The following TRDN variants were observed in gnomAD, a reference collection of about 807,000 sequenced individuals.
The protein encoded by TRDN is triadin in skeletal muscle.
Under a neutral mutation model 149.7 loss-of-function variants are expected in TRDN, and 161 were observed. The observed-to-expected ratio is 1.08, with a 90% CI of 0.95 to 1.23. The LOEUF (loss-of-function observed/expected upper bound fraction) is 1.23, where lower values mean the gene tolerates loss of function less well. Among genes scored for constraint, TRDN ranks in the 50% most tolerant of loss-of-function variants. The pLI, the probability that TRDN is intolerant of heterozygous loss-of-function variation, is 0.00. For missense variants in TRDN, 896 were observed against 823.5 expected (o/e 1.09, Z -1.08); for synonymous variants, 294 against 250.5 (o/e 1.17, Z -1.64).
chr6:123,323,893 A>G (rs1416235800), intron 23 of TRDN, among the ~76,000 whole-genome samples: 1 of 152,160 alleles, frequency 6.6e-6, no homozygotes, highest in East Asian at 1.9e-4. Context: ...GAAGCTTCCC[A>G]GTGTGAAGAG....
intron 9 of TRDN, among the ~76,000 whole-genome samples, chr6:123,465,705 C>G (rs933676853): frequency 8.6e-5 from 13 of 151,858 alleles, no homozygotes; most frequent in African/African-American, 1.2e-4. Flanking sequence ...GCCATGAACT[C>G]TCAACATTAG....
At chr6:123,601,518 A>T (rs1228459639) in intron 1 of TRDN, among the ~76,000 whole-genome samples, 6 of 152,160 alleles carry the variant, frequency 3.9e-5, no homozygotes. Context: ...ATCAATGGTG[A>T]TCTTTGCCAT....
chr6:123,223,818 T>C (rs1299202701), intron 39 of TRDN, among the ~76,000 whole-genome samples: 2 of 151,604 alleles, frequency 1.3e-5, no homozygotes, highest in Non-Finnish European at 3.0e-5. Context: ...GGAATAGTGA[T>C]TTTGAAGTAT....
intron 40 of TRDN, 69 bp from the exon 41 acceptor site, chr6:123,218,809 G>A: frequency 1.4e-6 from 2 of 1,467,804 alleles, no homozygotes; most frequent in Admixed American, 2.2e-5. Flanking sequence ...GTGAGGCAGT[G>A]CAGTGCAGCA....
intron 1 of TRDN, among the ~76,000 whole-genome samples, chr6:123,632,576 A>T (rs1786064200): frequency 1.3e-5 from 2 of 152,070 alleles, no homozygotes; most frequent in African/African-American, 4.8e-5. Context: ...TTCTAATGTC[A>T]GTTTTAAAAT....
At chr6:123,632,891 T>G (rs2114746834) in intron 1 of TRDN, among the ~76,000 whole-genome samples, 1 of 152,048 alleles carries the variant, frequency 6.6e-6, no homozygotes, top group African/African-American at 2.4e-5. Context: ...GTGAGTAATC[T>G]TGTGCTGCAG....
At position 123,218,852 on chromosome 6, in the gene TRDN, T is replaced by C. The variant is rs1775037777; in HGVS notation, c.2051-112A>G. The C allele has an allele frequency of 6.0e-6, 7 of 1,163,828 alleles. No individual in the cohort carries two copies. In the Admixed American group the frequency reaches 8.3e-5, roughly 14 times the overall value. The allele number at this position is 1,163,828 out of a possible 1,614,324, so 72.1% of individuals were successfully genotyped here. ...TCACAGATTCTGCCAGCAGCCTCCG[T>C]AGCTGTTGGCAAGTTACTAAACTTC... On this transcript the variant is annotated intron_variant, in intron 40 of 40. Transcript: ENST00000334268.
At chr6:123,395,977 A>G (rs1421418849) in intron 12 of TRDN, among the ~76,000 whole-genome samples, 1 of 152,212 alleles carries the variant, frequency 6.6e-6, no homozygotes, top group African/African-American at 2.4e-5. Context: ...TAAGTCTGCC[A>G]GCTTGCATCC....
rs371483122 is a variant in TRDN, at chr6:123,397,531, C to T, written c.1052-3854G>A. On this transcript the variant is annotated intron_variant, in intron 12 of 40. Coordinates refer to ENST00000334268, the MANE Select transcript of TRDN (RefSeq NM_006073.4). Reference sequence around the variant, plus strand: ...CTCTATGAAACAGTAAGAAATGGCACAGAATATCTAACTATAAAAATGAAA... The same window carrying T: ...CTCTATGAAACAGTAAGAAATGGCATAGAATATCTAACTATAAAAATGAAA... 2.6e-5 allele frequency among the ~76,000 whole-genome samples: 4 copies of T among 152,146 alleles called. No homozygotes were observed. In the East Asian group the frequency reaches 5.8e-4, roughly 22 times the overall value.
intron 13 of TRDN, among the ~76,000 whole-genome samples, chr6:123,389,865 A>G (rs1194639545): frequency 6.6e-6 from 1 of 152,158 alleles, no homozygotes; most frequent in African/African-American, 2.4e-5. Flanking sequence ...CAAAGATAAC[A>G]CCGAAAATGA....
chr6:123,337,413 A>G (rs1360999556), intron 22 of TRDN, among the ~76,000 whole-genome samples: 3 of 151,678 alleles, frequency 2.0e-5, no homozygotes, highest in Admixed American at 2.0e-4. Flanking sequence ...GATTTTTGGG[A>G]ATTGTAATCA....
At chr6:123,447,489 C>A (rs1213414960) in intron 10 of TRDN, among the ~76,000 whole-genome samples, 2 of 152,094 alleles carry the variant, frequency 1.3e-5, no homozygotes, top group Admixed American at 6.5e-5. Context: ...GGGGTTGTAA[C>A]CTCAGACTGA....
intron 9 of TRDN, among the ~76,000 whole-genome samples, chr6:123,481,706 G>A (rs187238952): frequency 3.9e-5 from 6 of 152,138 alleles, no homozygotes; most frequent in African/African-American, 1.2e-4. Context: ...TGTTGTCATC[G>A]TGATCATCTC....
At chr6:123,589,374 A>G (rs749871639) in intron 1 of TRDN, among the ~76,000 whole-genome samples, 4 of 141,286 alleles carry the variant, frequency 2.8e-5, no homozygotes, top group South Asian at 4.8e-4. Flanking sequence ...ATTTGCACAA[A>G]TAAAACTTTA....
chr6:123,246,144 C>A (rs1053230997), intron 38 of TRDN, among the ~76,000 whole-genome samples: 1 of 151,872 alleles, frequency 6.6e-6, no homozygotes, highest in Non-Finnish European at 1.5e-5. Context: ...GGGAAAAATT[C>A]AAAATTGACA....
At chr6:123,327,116 A>G (rs949844005) in intron 23 of TRDN, among the ~76,000 whole-genome samples, 1 of 152,036 alleles carries the variant, frequency 6.6e-6, no homozygotes. Flanking sequence ...TTTTTCCTAC[A>G]TGAGAAACAA....
At chr6:123,381,463 A>G in intron 15 of TRDN, 73 bp from the exon 16 acceptor site, 1 of 1,411,268 alleles carries the variant, frequency 7.1e-7, no homozygotes, top group East Asian at 2.5e-5. Flanking sequence ...CATATTGATT[A>G]GACTGTAATT....
Position 123,419,183 on chromosome 6 carries a change from C to A in TRDN, c.1051+18880G>T, listed in dbSNP as rs569130573. On this transcript the variant is annotated intron_variant, in intron 12 of 40. Transcript: ENST00000334268. ...AGGTGGTGGATCCCCGCACTGTTAA[C>A]CCCCAGAGCCAGGGCTTCTATACCA... is the stretch of plus-strand genomic sequence containing the variant. Among the ~76,000 whole-genome samples the A allele has an allele frequency of 2.0e-5, 3 of 152,088 alleles. No homozygotes were observed. The East Asian group carries it at 5.8e-4, about 30-fold the overall frequency.
intron 12 of TRDN, chr6:123,437,236 C>T: frequency 4.8e-6 from 1 of 206,816 alleles, no homozygotes; most frequent in South Asian, 8.2e-5. Context: ...GTATCTTGAC[C>T]AAGGTGGTCC....
Sources: allele counts gnomAD v4.1 joint callset (sites outside exome capture counted in the v4.1 genomes callset), GRCh38; gene constraint gnomAD v4.1.1; transcripts MANE v1.5; gene names NCBI Gene and HGNC (gene_info 2026-07-23, HGNC 2026-07-21).